Variants in RBMS3 observed in about 807,000 individuals in gnomAD.
RBMS3 encodes RNA binding motif single stranded interacting protein 3, also known as RNA-binding motif, single-stranded-interacting protein 3.
Under a neutral mutation model 66.8 loss-of-function variants are expected in RBMS3, and 27 were observed. The ratio of observed to expected loss-of-function variants is 0.40; its 90% CI spans 0.30 to 0.56. RBMS3 has a LOEUF of 0.56. Ranked by LOEUF, RBMS3 falls within the 20% of genes least tolerant of loss-of-function variation. The probability of loss-of-function intolerance (pLI) is 0.40; values close to 1 mark genes in which losing one functional copy is unlikely to be tolerated. For synonymous variants in RBMS3, 188 were observed against 183.0 expected (o/e 1.03, Z -0.22); for missense variants, 513 against 549.5 (o/e 0.93, Z 0.66).
chr3:29,647,447 T>G (rs1006584773), intron 4 of RBMS3, among the ~76,000 whole-genome samples: 1 of 152,182 alleles, frequency 6.6e-6, no homozygotes, highest in African/African-American at 2.4e-5. Context: ...TTCAAAGTTT[T>G]CCCATGAGAC....
At chr3:29,486,008 T>A (rs1475107174) in intron 2 of RBMS3, among the ~76,000 whole-genome samples, 1 of 152,198 alleles carries the variant, frequency 6.6e-6, no homozygotes, top group Admixed American at 6.5e-5. Context: ...TATAAAATCA[T>A]GTACTTTTAA....
intron 1 of RBMS3, among the ~76,000 whole-genome samples, chr3:29,426,853 T>C (rs1165627800): frequency 6.7e-6 from 1 of 149,276 alleles, no homozygotes; most frequent in Non-Finnish European, 1.5e-5. Context: ...AACAAAGAAT[T>C]ACTGAATATT....
intron 6 of RBMS3, among the ~76,000 whole-genome samples, chr3:29,862,762 T>TG (rs2059248171): frequency 1.3e-5 from 2 of 151,248 alleles, no homozygotes; most frequent in East Asian, 3.9e-4. Flanking sequence ...GAGAATCACT[T>TG]GAACCCAGGA....
At chr3:29,332,558 G>C (rs1294296576) in intron 1 of RBMS3, among the ~76,000 whole-genome samples, 1 of 152,134 alleles carries the variant, frequency 6.6e-6, no homozygotes, top group Non-Finnish European at 1.5e-5. Context: ...TGTTCCGGAA[G>C]CTATTACTGA....
At chr3:29,473,168 A>G (rs1285541823) in intron 2 of RBMS3, among the ~76,000 whole-genome samples, 3 of 151,486 alleles carry the variant, frequency 2.0e-5, no homozygotes, top group South Asian at 4.2e-4. Flanking sequence ...AAGTTTCTCC[A>G]AGTCCCCACC....
intron 14 of RBMS3, among the ~76,000 whole-genome samples, chr3:29,995,238 A>G (rs539368171): frequency 1.3e-5 from 2 of 152,224 alleles, no homozygotes; most frequent in South Asian, 2.1e-4. Context: ...GAAATGAGCA[A>G]AGCCTCCAAG....
chr3:30,002,835 A>G (rs1699671529), intron 14 of RBMS3, among the ~76,000 whole-genome samples: 3 of 152,002 alleles, frequency 2.0e-5, no homozygotes, highest in Admixed American at 2.0e-4. Flanking sequence ...AACACTGTGA[A>G]TTGGGGTTAC....
chr3:29,805,113 T>A (rs1294807045), intron 6 of RBMS3, among the ~76,000 whole-genome samples: 1 of 152,058 alleles, frequency 6.6e-6, no homozygotes, highest in Non-Finnish European at 1.5e-5. Flanking sequence ...AACCTCTTGG[T>A]TAATGATGGA....
intron 1 of RBMS3, among the ~76,000 whole-genome samples, chr3:29,368,584 C>G (rs899022047): frequency 1.3e-5 from 2 of 151,788 alleles, no homozygotes; most frequent in Non-Finnish European, 2.9e-5. Context: ...AAGGTCTTCA[C>G]TTTCAGTTTA....
At chr3:29,992,811 AATTGATCAGAT>A (rs1215446121) in intron 14 of RBMS3, among the ~76,000 whole-genome samples, 2 of 152,098 alleles carry the variant, frequency 1.3e-5, no homozygotes, top group Non-Finnish European at 2.9e-5. Context: ...GGGATGAGAA[AATTGATCAGAT>A]ATTGAGGGTG....
In RBMS3 at chr3:29,674,854, A is replaced by T. The variant is rs184620674; in HGVS notation, c.400-64866A>T. 4.3e-3 allele frequency among the ~76,000 whole-genome samples: 655 copies of T among 152,230 alleles called. 5 individuals are homozygous for T. The highest frequency in any genetic ancestry group is 0.015 in the African/African-American group (630 of 41,528). On this transcript the variant is annotated intron_variant, in intron 4 of 14. Coordinates refer to ENST00000383767, the MANE Select transcript of RBMS3 (RefSeq NM_001003793.3). ...CAAGGTAATTTATAGATTAAATGCC[A>T]TCCCCATCAAGCAACCAATTACTTT... is the stretch of plus-strand genomic sequence containing the variant.
chr3:29,863,119 T>A (rs1388704899), intron 6 of RBMS3, among the ~76,000 whole-genome samples: 2 of 151,428 alleles, frequency 1.3e-5, no homozygotes, highest in Non-Finnish European at 2.9e-5. Flanking sequence ...TCCTGAAATT[T>A]AAGGATAATA....
chr3:29,437,485 TA>T (rs1354700674), intron 2 of RBMS3, among the ~76,000 whole-genome samples: 1 of 152,278 alleles, frequency 6.6e-6, no homozygotes, highest in Non-Finnish European at 1.5e-5. Flanking sequence ...GAACAGAGGA[TA>T]ATAGTTACTT....
intron 1 of RBMS3, among the ~76,000 whole-genome samples, chr3:29,412,768 G>T (rs916044440): frequency 1.3e-5 from 2 of 152,138 alleles, no homozygotes; most frequent in Non-Finnish European, 2.9e-5. Flanking sequence ...TCACCAGCAG[G>T]GACATGAGAA....
At chr3:29,521,104 C>T (rs142139077) in intron 3 of RBMS3, among the ~76,000 whole-genome samples, 1 of 152,054 alleles carries the variant, frequency 6.6e-6, no homozygotes, top group African/African-American at 2.4e-5. Flanking sequence ...TTCCATAATA[C>T]TGACATCCTA....
In RBMS3 at chr3:29,561,430, T is replaced by TTGTTG. The variant is rs1191261269; in HGVS notation, c.308-25683_308-25682insGTTGT. Among the ~76,000 whole-genome samples, 7 of 142,174 alleles carry TTGTTG rather than the reference T, an allele frequency of 4.9e-5. 1 individual carries two copies. The highest frequency in any genetic ancestry group is 2.0e-4 in the African/African-American group (7 of 34,276). The allele number at this position is 142,174 out of a possible 152,430, so 93.3% of individuals were successfully genotyped here. A position where few individuals can be genotyped will look rare whatever the true frequency, so the allele number is the denominator to read the frequency against. ...TCCACAACCTTGCCAGCATCTGTTGTTTTTGTTGTTGTTGTTGTTGTTGTT... is the reference window on the plus strand; with the variant it reads ...TCCACAACCTTGCCAGCATCTGTTGTTGTTGTTTTGTTGTTGTTGTTGTTGTTGTT... On this transcript the variant is annotated intron_variant, in intron 3 of 14. Coordinates refer to ENST00000383767, the MANE Select transcript of RBMS3 (RefSeq NM_001003793.3).
intron 6 of RBMS3, among the ~76,000 whole-genome samples, chr3:29,799,396 C>A (rs1396463073): frequency 6.6e-6 from 1 of 152,102 alleles, no homozygotes; most frequent in Non-Finnish European, 1.5e-5. Context: ...AATATTTACA[C>A]CTAATAAACA....
chr3:29,511,953 C>T (rs1031684161), intron 3 of RBMS3, among the ~76,000 whole-genome samples: 7 of 152,158 alleles, frequency 4.6e-5, no homozygotes, highest in East Asian at 1.9e-4. Flanking sequence ...AAAAGGCAAG[C>T]GTTCCCAGTA....
At chr3:29,570,155 AAATC>A (rs1327800119) in intron 3 of RBMS3, among the ~76,000 whole-genome samples, 2 of 152,128 alleles carry the variant, frequency 1.3e-5, no homozygotes, top group South Asian at 2.1e-4. Context: ...AAATTAGAAA[AAATC>A]AATAGTCATT....
Sources: gnomAD v4.1 joint callset for allele counts (sites outside exome capture counted in the v4.1 genomes callset) on GRCh38, gnomAD v4.1.1 for gene constraint, MANE v1.5 for transcripts, NCBI Gene and HGNC (gene_info 2026-07-23, HGNC 2026-07-21) for gene names.